Variants in SLC2A12 observed in about 807,000 individuals in gnomAD.
SLC2A12 encodes the protein solute carrier family 2 member 12.
In SLC2A12, 23 loss-of-function variants were observed where a neutral mutation model predicts 41.8. The ratio of observed to expected loss-of-function variants is 0.55; its 90% CI spans 0.40 to 0.78. The LOEUF is 0.78. Ranked by LOEUF, SLC2A12 falls within the 30% of genes least tolerant of loss-of-function variation. SLC2A12 has a pLI of 0.00. For missense variants in SLC2A12, 654 were observed against 745.6 expected, an observed-to-expected ratio of 0.88 and a Z score of 1.43; for synonymous variants, 295 against 285.9, an observed-to-expected ratio of 1.03 and a Z score of -0.32.
At chr6:133,998,647 C>A (rs1776721870) in intron 4 of SLC2A12, among the ~76,000 whole-genome samples, 2 of 152,212 alleles carry the variant, frequency 1.3e-5, no homozygotes, top group African/African-American at 4.8e-5. Flanking sequence ...CTCAGATGAT[C>A]CTCCTACCTC....
chr6:134,023,446 A>G (rs1386403235), intron 2 of SLC2A12, among the ~76,000 whole-genome samples: 3 of 152,190 alleles, frequency 2.0e-5, no homozygotes, highest in Non-Finnish European at 4.4e-5. Flanking sequence ...TACAAGAGGA[A>G]AAGGAATTCA....
At position 134,029,340 on chromosome 6, in the gene SLC2A12, T is replaced by G; in HGVS notation, c.485A>C (p.His162Pro). 6.2e-7 allele frequency: 1 copy of G among 1,614,078 alleles called. No individual in the cohort carries two copies. The highest frequency in any genetic ancestry group is 8.5e-7 in the Non-Finnish European group (1 of 1,180,008). Residue 162 changes from histidine to proline, a missense_variant, in exon 2 of 5, where the codon CAC becomes CCC. By Grantham distance (77) the His-to-Pro change is moderately conservative. This residue lies in a region of SLC2A12 where 411 missense variants were observed against 412.1 expected (regional missense o/e 1.00). Transcript: ENST00000275230. Reference protein sequence around the residue: ...CVYIAEIAPQHRRGLLVSLNE... With the variant: ...CVYIAEIAPQPRRGLLVSLNE... ...CAGTGACACAAGAAGGCCTCTTCTGTGTTGAGGAGCAATCTCTGCGATGTA... is the reference window on the plus strand; with the variant it reads ...CAGTGACACAAGAAGGCCTCTTCTGGGTTGAGGAGCAATCTCTGCGATGTA...
intron 1 of SLC2A12, among the ~76,000 whole-genome samples, chr6:134,049,185 T>C (rs1252195074): frequency 6.6e-6 from 1 of 152,224 alleles, no homozygotes; most frequent in Non-Finnish European, 1.5e-5. Flanking sequence ...GACTGTGGCA[T>C]CTTCAGAGGG....
In SLC2A12 at chr6:134,002,032, G is replaced by A; in HGVS notation, c.1665C>T (p.Cys555=). 1 of 1,608,382 alleles carries A rather than the reference G, an allele frequency of 6.2e-7. No homozygotes were observed. The highest frequency in any genetic ancestry group is 8.5e-7 in the Non-Finnish European group (1 of 1,178,124). The change falls in exon 4 of 5, where the codon TGC becomes TGT. Residue 555 remains cysteine (C), a synonymous_variant. Coordinates refer to ENST00000275230, the MANE Select transcript of SLC2A12 (RefSeq NM_145176.3). ...VVMFIPETKG[C]SLEQISMELA... is the part of the protein sequence containing the mutation. ...GCTCCATTGATATTTGTTCCAAAGAGCATCCCTTTGTCTCAGGTATAAACA... is the reference window on the plus strand; with the variant it reads ...GCTCCATTGATATTTGTTCCAAAGAACATCCCTTTGTCTCAGGTATAAACA...
At chr6:133,999,720 G>A (rs1159502271) in intron 4 of SLC2A12, among the ~76,000 whole-genome samples, 2 of 152,168 alleles carry the variant, frequency 1.3e-5, no homozygotes, top group South Asian at 4.1e-4. Context: ...ACATGTGAGT[G>A]AGCCCAGGCA....
chr6:134,003,092 A>G (rs1285265647), intron 3 of SLC2A12, among the ~76,000 whole-genome samples: 1 of 152,216 alleles, frequency 6.6e-6, no homozygotes, highest in African/African-American at 2.4e-5. Context: ...ACAGTTGGTC[A>G]GGCAGGAAAA....
At chr6:134,033,677 T>G (rs951556278) in intron 1 of SLC2A12, among the ~76,000 whole-genome samples, 3 of 152,144 alleles carry the variant, frequency 2.0e-5, no homozygotes, top group African/African-American at 7.2e-5. Context: ...GGGGAATCAA[T>G]GCCATAACTG....
At chr6:134,007,723 A>C (rs779572139) in intron 2 of SLC2A12, among the ~76,000 whole-genome samples, 11 of 152,208 alleles carry the variant, frequency 7.2e-5, no homozygotes, top group Non-Finnish European at 1.2e-4. Flanking sequence ...CCTAATAAAA[A>C]ACAGCCAGAA....
intron 1 of SLC2A12, among the ~76,000 whole-genome samples, chr6:134,050,867 G>A (rs1279726534): frequency 1.3e-5 from 2 of 152,044 alleles, no homozygotes; most frequent in Admixed American, 1.3e-4. Flanking sequence ...AGGGAAAAGG[G>A]TACTTCTGCA....
At chr6:134,003,004 T>C (rs9375998) in intron 3 of SLC2A12, among the ~76,000 whole-genome samples, 9,010 of 152,244 alleles carry the variant, frequency 0.059, 546 homozygotes, top group African/African-American at 0.16. Context: ...AGCAGCAGAA[T>C]GTCTAGTGTG....
chr6:134,047,320 A>G (rs1460366588), intron 1 of SLC2A12, among the ~76,000 whole-genome samples: 2 of 152,198 alleles, frequency 1.3e-5, no homozygotes, highest in Admixed American at 6.5e-5. Flanking sequence ...CAACTGTTGC[A>G]TAGTAATGGA....
rs571408825 is a variant in SLC2A12, at chr6:133,988,403, A to G, written c.*2752T>C. The G allele has an allele frequency of 3.5e-4, 53 of 152,332 alleles. 1 individual carries two copies. The highest frequency in any genetic ancestry group is 3.4e-3 in the Middle Eastern group (1 of 296). 9.4% of individuals were successfully genotyped at this position (152,332 alleles called of 1,614,324 possible). ...GAAATAAAGCTGAGTGGAGAGTCCA[A>G]TTAGCTTCTCAGGAGAAACTTAATG... On this transcript the variant is annotated 3_prime_UTR_variant, in exon 5 of 5. Coordinates refer to ENST00000275230, the MANE Select transcript of SLC2A12 (RefSeq NM_145176.3).
chr6:134,000,187 C>T lies in SLC2A12; in HGVS notation c.1700+1810G>A, dbSNP rs544489572. On this transcript the variant is annotated intron_variant, in intron 4 of 4. Coordinates refer to ENST00000275230, the MANE Select transcript of SLC2A12 (RefSeq NM_145176.3). ...TCATTTTATTTTTTTGAAAACAGGG[C>T]CTCATCTGTATCAAAAAAAATTAGC... 5.8e-4 allele frequency among the ~76,000 whole-genome samples: 88 copies of T among 152,126 alleles called. 1 individual carries two copies. Among genetic ancestry groups the T allele is most frequent in the African/African-American group, 1.9e-3 (78 of 41,506 alleles).
rs1419348496 is a variant in SLC2A12 at position 134,028,403 on chromosome 6, A to G, written c.1422T>C (p.Ala474=). The part of the protein sequence containing the change: ...SLASLLVYVA[A]FSIGLGPMPW... Reference sequence around the variant, plus strand: ...TACTTGGTCCTAGACCAATTGAAAAAGCAGCAACATAAACAAGCAAGCTGG... The same window carrying G: ...TACTTGGTCCTAGACCAATTGAAAAGGCAGCAACATAAACAAGCAAGCTGG... The change falls in exon 2 of 5, where the codon GCT becomes GCC. Residue 474 remains alanine, a synonymous_variant. Coordinates refer to ENST00000275230, the MANE Select transcript of SLC2A12 (RefSeq NM_145176.3). The G allele has an allele frequency of 6.2e-7, 1 of 1,612,792 alleles. No homozygotes were observed. Among genetic ancestry groups the G allele is most frequent in the Non-Finnish European group, 8.5e-7 (1 of 1,179,394 alleles).
intron 2 of SLC2A12, among the ~76,000 whole-genome samples, chr6:134,022,588 GAAA>G: frequency 8.5e-6 from 1 of 117,642 alleles, no homozygotes; most frequent in South Asian, 2.7e-4. Context: ...GAAAAGAAAA[GAAA>G]AGAAAAATGT....
intron 1 of SLC2A12, among the ~76,000 whole-genome samples, chr6:134,035,439 A>T (rs1777283523): frequency 6.6e-6 from 1 of 152,048 alleles, no homozygotes; most frequent in Non-Finnish European, 1.5e-5. Flanking sequence ...GAGGCCCAAA[A>T]AATCTGGACA....
At position 133,987,646 on chromosome 6, in the gene SLC2A12, G is replaced by GTATATATATATATATATATATATATA. The variant is rs1165164380; in HGVS notation, c.*3508_*3509insTATATATATATATATATATATATATA. ...ATTTTGTGTGTGTGTGTGTGTGTGT[G>GTATATATATATATATATATATATATA]TGTATATATATATATATATATGCAC... On this transcript the variant is annotated 3_prime_UTR_variant, in exon 5 of 5. Transcript: ENST00000275230. 1 of 133,214 alleles carries GTATATATATATATATATATATATATA rather than the reference G, an allele frequency of 7.5e-6. No homozygotes were observed. Among genetic ancestry groups the GTATATATATATATATATATATATATA allele is most frequent in the Admixed American group, 7.9e-5 (1 of 12,714 alleles). 8.3% of individuals were successfully genotyped at this position (133,214 alleles called of 1,614,324 possible).
intron 2 of SLC2A12, among the ~76,000 whole-genome samples, chr6:134,010,095 A>C (rs1285666536): frequency 6.6e-6 from 1 of 152,212 alleles, no homozygotes; most frequent in Non-Finnish European, 1.5e-5. Context: ...ACTCAGTTTC[A>C]GTTCATAAGT....
At chr6:134,035,926 C>G (rs937409253) in intron 1 of SLC2A12, among the ~76,000 whole-genome samples, 2 of 152,216 alleles carry the variant, frequency 1.3e-5, no homozygotes, top group Non-Finnish European at 2.9e-5. Flanking sequence ...ACTGTAGCAC[C>G]AGCCACCACC....
Sources: allele counts gnomAD v4.1 joint callset (sites outside exome capture counted in the v4.1 genomes callset), GRCh38; gene constraint gnomAD v4.1.1; regional missense constraint gnomAD v4.1.1; transcripts MANE v1.5; gene names NCBI Gene and HGNC (gene_info 2026-07-23, HGNC 2026-07-21).